Variants in NEGR1 observed in about 807,000 individuals in gnomAD.
NEGR1 encodes neuronal growth regulator 1.
In NEGR1, 10 loss-of-function variants were observed where a neutral mutation model predicts 40.9. The ratio of observed to expected loss-of-function variants is 0.24; its 90% CI spans 0.15 to 0.42. The LOEUF (loss-of-function observed/expected upper bound fraction) is 0.42. NEGR1 is among the 10% of genes least tolerant of loss of function. The pLI is 1.00. For synonymous variants in NEGR1, 185 were observed against 166.8 expected (o/e 1.11, Z -0.84); for missense variants, 352 against 438.9 (o/e 0.80, Z 1.77).
intron 1 of NEGR1, among the ~76,000 whole-genome samples, chr1:71,939,172 C>A (rs1645937085): frequency 6.6e-6 from 1 of 152,120 alleles, no homozygotes; most frequent in Non-Finnish European, 1.5e-5. Flanking sequence ...TTCCCTGCAA[C>A]TTTTTTCCCC....
chr1:71,835,009 G>A (rs1018747180), intron 2 of NEGR1, among the ~76,000 whole-genome samples: 2 of 151,762 alleles, frequency 1.3e-5, no homozygotes, highest in Admixed American at 6.6e-5. Flanking sequence ...TGCCAATCTG[G>A]ACCAGGCTGG....
chr1:72,255,013 C>T (rs898867664), intron 1 of NEGR1, among the ~76,000 whole-genome samples: 1 of 152,138 alleles, frequency 6.6e-6, no homozygotes, highest in Non-Finnish European at 1.5e-5. Flanking sequence ...GTGTTTTCCA[C>T]CCATTATCCA....
chr1:71,821,142 A>G (rs1206861649), intron 2 of NEGR1, among the ~76,000 whole-genome samples: 1 of 152,006 alleles, frequency 6.6e-6, no homozygotes, highest in African/African-American at 2.4e-5. Flanking sequence ...GTTTTGCCTC[A>G]GGGCTATGTT....
chr1:72,054,953 C>T (rs986169977), intron 1 of NEGR1, among the ~76,000 whole-genome samples: 5 of 150,978 alleles, frequency 3.3e-5, no homozygotes, highest in African/African-American at 1.2e-4. Context: ...CATGTGCAAG[C>T]GCATTCAATT....
At chr1:72,243,558 C>A (rs1046118808) in intron 1 of NEGR1, among the ~76,000 whole-genome samples, 2 of 151,904 alleles carry the variant, frequency 1.3e-5, no homozygotes, top group Middle Eastern at 6.8e-3. Context: ...CAGAGTCTGT[C>A]ACAGTCACAT....
intron 2 of NEGR1, among the ~76,000 whole-genome samples, chr1:71,786,071 A>G (rs1656897671): frequency 6.6e-6 from 1 of 152,136 alleles, no homozygotes; most frequent in Non-Finnish European, 1.5e-5. Context: ...TATTTTTCTA[A>G]TCATGAAGAT....
At chr1:72,168,547 A>T (rs1218765136) in intron 1 of NEGR1, among the ~76,000 whole-genome samples, 1 of 152,084 alleles carries the variant, frequency 6.6e-6, no homozygotes, top group Non-Finnish European at 1.5e-5. Context: ...CAAAGGAAAA[A>T]AACATCCCAC....
intron 1 of NEGR1, among the ~76,000 whole-genome samples, chr1:72,147,441 C>G (rs989703636): frequency 6.6e-6 from 1 of 152,098 alleles, no homozygotes; most frequent in Non-Finnish European, 1.5e-5. Flanking sequence ...CATGATTCAA[C>G]TACCTACACC....
intron 3 of NEGR1, among the ~76,000 whole-genome samples, chr1:71,732,525 C>G (rs61766994): frequency 1.6e-5 from 2 of 126,428 alleles, no homozygotes; most frequent in African/African-American, 5.4e-5. Flanking sequence ...TGTGTGCGCG[C>G]GCGCGCCAGC....
At chr1:71,938,516 TC>T (rs1334187114) in intron 1 of NEGR1, among the ~76,000 whole-genome samples, 2 of 151,680 alleles carry the variant, frequency 1.3e-5, no homozygotes, top group Non-Finnish European at 2.9e-5. Context: ...TTCTATTTTT[TC>T]CTTTGCAATA....
chr1:72,175,629 T>C (rs759297171), intron 1 of NEGR1, among the ~76,000 whole-genome samples: 21 of 152,084 alleles, frequency 1.4e-4, no homozygotes, highest in Non-Finnish European at 5.9e-5. Flanking sequence ...ATGATTTATG[T>C]TGGAAAATAA....
At chr1:71,831,207 T>C (rs1658828089) in intron 2 of NEGR1, among the ~76,000 whole-genome samples, 1 of 151,938 alleles carries the variant, frequency 6.6e-6, no homozygotes, top group South Asian at 2.1e-4. Flanking sequence ...GGACAGACAC[T>C]GGAAATTTCA....
chr1:71,564,727 C>A (rs1648562980), intron 6 of NEGR1, among the ~76,000 whole-genome samples: 1 of 151,992 alleles, frequency 6.6e-6, no homozygotes, highest in African/African-American at 2.4e-5. Context: ...ATTGTCAAAG[C>A]AACTAGTATA....
chr1:71,530,295 T>C (rs1443395631), intron 6 of NEGR1, among the ~76,000 whole-genome samples: 2 of 151,500 alleles, frequency 1.3e-5, no homozygotes, highest in South Asian at 2.1e-4. Flanking sequence ...CTGGAACTTT[T>C]AGTAGTTTGA....
chr1:72,231,455 C>A (rs1654361726), intron 1 of NEGR1, among the ~76,000 whole-genome samples: 2 of 152,054 alleles, frequency 1.3e-5, no homozygotes, highest in South Asian at 4.1e-4. Flanking sequence ...TACATGGGGA[C>A]AATGATAGTA....
chr1:71,501,917 G>A (rs1406294252), intron 6 of NEGR1, among the ~76,000 whole-genome samples: 10 of 152,162 alleles, frequency 6.6e-5, no homozygotes, highest in Non-Finnish European at 1.0e-4. Context: ...ATCTTGCTAT[G>A]TGTATGGAAC....
intron 2 of NEGR1, among the ~76,000 whole-genome samples, chr1:71,926,758 G>A (rs1044624777): frequency 6.6e-6 from 1 of 151,908 alleles, no homozygotes; most frequent in Non-Finnish European, 1.5e-5. Context: ...TGTAGAGTAA[G>A]AAGTGCATTA....
chr1:72,195,596 T>A (rs1412678958), intron 1 of NEGR1, among the ~76,000 whole-genome samples: 1 of 151,936 alleles, frequency 6.6e-6, no homozygotes, highest in Non-Finnish European at 1.5e-5. Context: ...ACACAAAATA[T>A]TTATTTGTAT....
chr1:72,211,091 A>C (rs1310757383), intron 1 of NEGR1, among the ~76,000 whole-genome samples: 3 of 151,882 alleles, frequency 2.0e-5, no homozygotes, highest in Non-Finnish European at 4.4e-5. Flanking sequence ...CAATTTTCTG[A>C]AAAAGCTATT....
Sources: gnomAD v4.1 joint callset for allele counts (sites outside exome capture counted in the v4.1 genomes callset) on GRCh38, gnomAD v4.1.1 for gene constraint, MANE v1.5 for transcripts, NCBI Gene and HGNC (gene_info 2026-07-23, HGNC 2026-07-21) for gene names.